The following TDRD9 variants were observed in gnomAD, a reference collection of about 807,000 sequenced individuals.
TDRD9 encodes tudor domain containing 9.
In TDRD9, 124 loss-of-function variants were observed where a neutral mutation model predicts 172.6. That is an observed-to-expected ratio of 0.72 (90% confidence interval 0.62 to 0.83). The LOEUF is 0.83. Ranked by LOEUF, TDRD9 falls within the 40% of genes least tolerant of loss-of-function variation. TDRD9 has a pLI of 0.00. For missense variants in TDRD9, 1,479 were observed against 1,714.1 expected (o/e 0.86, Z 2.42); for synonymous variants, 619 against 617.1 (o/e 1.00, Z -0.05).
chr14:104,049,681 G>T lies in TDRD9; in HGVS notation c.4047+1G>T. ...TGAAAAGCCCTACGAGTGGAATCAGGTGAGTGGGACGCAGGCTGCTACATG... is the reference window on the plus strand; with the variant it reads ...TGAAAAGCCCTACGAGTGGAATCAGTTGAGTGGGACGCAGGCTGCTACATG... On this transcript the variant is annotated splice_donor_variant, in intron 35 of 35. Transcript: ENST00000409874. LOFTEE classifies it high-confidence loss of function. 1 of 1,579,128 alleles carries T rather than the reference G, an allele frequency of 6.3e-7. No individual in the cohort carries two copies. The highest frequency in any genetic ancestry group is 1.2e-5 in the South Asian group (1 of 85,900).
intron 2 of TDRD9, among the ~76,000 whole-genome samples, chr14:103,961,670 AG>A (rs2032518945): frequency 6.6e-6 from 1 of 152,202 alleles, no homozygotes; most frequent in South Asian, 2.1e-4. Flanking sequence ...ATACTCACAA[AG>A]AAGCTATTTT....
At chr14:103,975,834 C>T (rs1566752975) in intron 7 of TDRD9, among the ~76,000 whole-genome samples, 1 of 152,180 alleles carries the variant, frequency 6.6e-6, no homozygotes, top group Non-Finnish European at 1.5e-5. Flanking sequence ...TTAAAATCCT[C>T]TCTTCTAGCT....
rs563193488 is a variant in TDRD9, at chr14:103,988,094, A to G, written c.1115+1774A>G. Among the ~76,000 whole-genome samples the G allele has an allele frequency of 7.4e-4, 112 of 151,680 alleles. 2 individuals are homozygous for G. The South Asian group carries it at 0.013, about 18-fold the overall frequency. ...TGTAGTTGCTGTTTGCATGACACAT[A>G]TTTTTTCATTCTTTTACTTTCAGTC... On this transcript the variant is annotated intron_variant, in intron 8 of 35. Coordinates refer to ENST00000409874, the MANE Select transcript of TDRD9 (RefSeq NM_153046.3).
intron 2 of TDRD9, among the ~76,000 whole-genome samples, chr14:103,962,521 T>TGGCA (rs1321094707): frequency 6.6e-6 from 1 of 152,196 alleles, no homozygotes; most frequent in Non-Finnish European, 1.5e-5. Flanking sequence ...GGGTGCATGT[T>TGGCA]CAGGTTTGTT....
At chr14:103,959,960 A>G (rs2032431999) in intron 2 of TDRD9, among the ~76,000 whole-genome samples, 1 of 152,100 alleles carries the variant, frequency 6.6e-6, no homozygotes, top group South Asian at 2.1e-4. Flanking sequence ...CCTCCTTTTA[A>G]ATGTGGTGAT....
chr14:103,995,615 A>G, intron 11 of TDRD9, 135 bp from the exon 12 acceptor site: 1 of 731,820 alleles, frequency 1.4e-6, no homozygotes, highest in South Asian at 2.2e-5. Flanking sequence ...AAAATAGAAA[A>G]ATGGCTAATT....
intron 8 of TDRD9, 91 bp downstream of exon 8, chr14:103,986,411 G>A (rs2033663121): frequency 1.1e-6 from 1 of 931,196 alleles, no homozygotes; most frequent in Admixed American, 3.1e-5. Context: ...TTTATAAGAA[G>A]GTATAACTAT....
intron 34 of TDRD9, among the ~76,000 whole-genome samples, chr14:104,044,441 G>A (rs761573018): frequency 1.2e-4 from 19 of 152,198 alleles, no homozygotes; most frequent in Admixed American, 7.2e-4. Context: ...GTTGAGGATC[G>A]AAAGTTCCCC....
chr14:103,941,605 G>C (rs2031239528), intron 1 of TDRD9: 1 of 1,535,090 alleles, frequency 6.5e-7, no homozygotes, highest in South Asian at 1.2e-5. Context: ...AATTCCCGAA[G>C]CAGAGTCTTT....
intron 3 of TDRD9, among the ~76,000 whole-genome samples, chr14:103,965,026 G>C (rs576263590): frequency 1.3e-5 from 2 of 152,158 alleles, no homozygotes; most frequent in East Asian, 1.9e-4. Flanking sequence ...TGGCCAACAC[G>C]GTGAAAGAAA....
intron 13 of TDRD9, among the ~76,000 whole-genome samples, chr14:103,999,100 T>C: frequency 6.6e-6 from 1 of 152,198 alleles, no homozygotes; most frequent in South Asian, 2.1e-4. Context: ...GCCATTCAGA[T>C]GCTTTTCTAA....
At chr14:103,991,092 A>G in intron 8 of TDRD9, 68 bp from the exon 9 acceptor site, 1 of 1,575,818 alleles carries the variant, frequency 6.3e-7, no homozygotes, top group Non-Finnish European at 8.7e-7. Flanking sequence ...CTGTAATATT[A>G]GGATTTTAGA....
At chr14:103,992,524 A>G (rs2033904625) in intron 9 of TDRD9, among the ~76,000 whole-genome samples, 1 of 152,222 alleles carries the variant, frequency 6.6e-6, no homozygotes, top group Non-Finnish European at 1.5e-5. Flanking sequence ...AGGGGAAAAC[A>G]TCACCCAAGT....
intron 11 of TDRD9, 87 bp downstream of exon 11, chr14:103,994,690 G>C: frequency 9.0e-7 from 1 of 1,107,024 alleles, no homozygotes; most frequent in Non-Finnish European, 1.3e-6. Flanking sequence ...TCTGGGTGTC[G>C]TGGCTCATGC....
At chr14:103,940,905 T>A (rs1356027006) in intron 1 of TDRD9, 37 of 1,535,228 alleles carry the variant, frequency 2.4e-5, no homozygotes, top group Non-Finnish European at 3.1e-5. Flanking sequence ...AAATGGTGGG[T>A]ATTTCATCTT....
chr14:103,930,877 C>T (rs2030341607), intron 1 of TDRD9, among the ~76,000 whole-genome samples: 2 of 152,094 alleles, frequency 1.3e-5, no homozygotes, highest in Non-Finnish European at 2.9e-5. Context: ...CCATTTTAAG[C>T]ACTAAGGACA....
At position 104,026,155 on chromosome 14, in the gene TDRD9, T is replaced by C; in HGVS notation, c.3021+19T>C. On this transcript the variant is annotated intron_variant, in intron 27 of 35. Transcript: ENST00000409874. Reference sequence around the variant, plus strand: ...TTTCCAGGTAAGGTAGAGAAGACTCTAGGGAATGAATGCTGCATGCTGGAC... The same window carrying C: ...TTTCCAGGTAAGGTAGAGAAGACTCCAGGGAATGAATGCTGCATGCTGGAC... 6.7e-7 allele frequency: 1 copy of C among 1,497,296 alleles called. No individual in the cohort carries two copies. The allele number at this position is 1,497,296 out of a possible 1,614,324, so 92.8% of individuals were successfully genotyped here.
At chr14:104,023,343 G>A (rs2035022693) in intron 24 of TDRD9, among the ~76,000 whole-genome samples, 2 of 152,048 alleles carry the variant, frequency 1.3e-5, no homozygotes, top group South Asian at 4.1e-4. Flanking sequence ...ATTTTGTTTT[G>A]CAAATTCTCT....
chr14:103,930,091 A>G (rs572528204), intron 1 of TDRD9, among the ~76,000 whole-genome samples: 38 of 152,280 alleles, frequency 2.5e-4, no homozygotes, highest in African/African-American at 8.9e-4. Context: ...AGGCCCTGGG[A>G]GAAGTACTTC....
Sources: allele counts gnomAD v4.1 joint callset (sites outside exome capture counted in the v4.1 genomes callset), GRCh38; gene constraint gnomAD v4.1.1; transcripts MANE v1.5; gene names NCBI Gene and HGNC (gene_info 2026-07-23, HGNC 2026-07-21).